The following SLC12A5 variants were observed in gnomAD, a reference collection of about 807,000 sequenced individuals.
SLC12A5 encodes K-Cl cotransporter 2.
SLC12A5 carries 18 observed loss-of-function variants against 124.0 expected under a neutral mutation model. That is an observed-to-expected ratio of 0.15 (90% CI 0.10 to 0.22). The LOEUF is 0.22. SLC12A5 is among the 10% of genes least tolerant of loss of function. The probability of loss-of-function intolerance (pLI) is 1.00; values close to 1 mark genes in which losing one functional copy is unlikely to be tolerated. For missense variants in SLC12A5, 867 were observed against 1,478.7 expected (o/e 0.59, Z 6.78); for synonymous variants, 589 against 568.0 (o/e 1.04, Z -0.53).
At chr20:46,043,611 T>C in intron 9 of SLC12A5, 22 bp from the exon 10 acceptor site, 1 of 1,613,622 alleles carries the variant, frequency 6.2e-7, no homozygotes, top group South Asian at 1.1e-5. Flanking sequence ...GCTTGAGTCC[T>C]AGCTGCACTT....
At chr20:46,042,029 GTA>G (rs1441198863) in intron 8 of SLC12A5, among the ~76,000 whole-genome samples, 1 of 152,226 alleles carries the variant, frequency 6.6e-6, no homozygotes, top group Non-Finnish European at 1.5e-5. Flanking sequence ...TATGAGAGGA[GTA>G]AGGAAATTGC....
At chr20:46,047,130 G>A (rs376084144) in intron 14 of SLC12A5, among the ~76,000 whole-genome samples, 5 of 152,328 alleles carry the variant, frequency 3.3e-5, no homozygotes, top group African/African-American at 7.2e-5. Context: ...GGGAGGACCC[G>A]TTTCCACTCC....
chr20:46,043,245 A>G lies in SLC12A5; in HGVS notation c.1159A>G (p.Met387Val). ...VGLADGTPIDMDHPYVFSDMT... is the reference protein window; with the variant it reads ...VGLADGTPIDVDHPYVFSDMT... ...CCTGGCCGATGGCACTCCTATCGAC[A>G]TGGACCACCCTTATGTCTTCAGTGA... is the stretch of plus-strand genomic sequence containing the variant. Residue 387 changes from methionine to valine, a missense_variant, in exon 9 of 26, where the codon ATG becomes GTG. This residue lies in a region of SLC12A5 where 127 missense variants were observed against 164.1 expected (regional missense o/e 0.77). Transcript: ENST00000243964. 1.9e-6 allele frequency: 3 copies of G among 1,614,010 alleles called. No individual in the cohort carries two copies. The highest frequency in any genetic ancestry group is 1.7e-6 in the Non-Finnish European group (2 of 1,179,984).
chr20:46,040,803 T>C (rs958094744), intron 7 of SLC12A5, 189 bp downstream of exon 7: 10 of 851,926 alleles, frequency 1.2e-5, no homozygotes, highest in Admixed American at 6.1e-5. Context: ...GTAACTTTTC[T>C]GGAGGAGGGA....
rs1197314087 is a variant in SLC12A5, at chr20:46,045,421, G to C, written c.1569+281G>C. Among the ~76,000 whole-genome samples the C allele has an allele frequency of 6.6e-6, 1 of 152,160 alleles. No homozygotes were observed. Among genetic ancestry groups the C allele is most frequent in the Non-Finnish European group, 1.5e-5 (1 of 68,012 alleles). The stretch of plus-strand genomic sequence containing the variant: ...GTGTCTTACTTGGGATTTGGCCCAT[G>C]GTCAGTGCATCCCTTGGAGCACTGT... On this transcript the variant is annotated intron_variant, in intron 12 of 25. Transcript: ENST00000243964. The surrounding 1 kb of genome is among the most constrained non-coding windows in gnomAD (Gnocchi z 4.9).
chr20:46,026,023 G>A (rs2084395369), upstream of SLC12A5, among the ~76,000 whole-genome samples: 1 of 152,188 alleles, frequency 6.6e-6, no homozygotes, highest in Non-Finnish European at 1.5e-5. Flanking sequence ...CTGGTTCAGT[G>A]GATGGAGTCC....
In SLC12A5 at chr20:46,051,832, G is replaced by A. The variant is rs779096129; in HGVS notation, c.2339G>A (p.Arg780His). The change falls in exon 18 of 26, where the codon CGC becomes CAC. Residue 780 changes from arginine (R) to histidine (H), a missense_variant. Coordinates refer to ENST00000243964, the MANE Select transcript of SLC12A5 (RefSeq NM_020708.5). ...TVLVGWPRNW[R>H]QKEDHQTWRN... ...CTTGTTGGCTGGCCCCGCAACTGGC[G>A]CCAGAAGGAAGATCATCAGACGTGG... The A allele has an allele frequency of 6.5e-6, 10 of 1,547,654 alleles. No individual in the cohort carries two copies. Among genetic ancestry groups the A allele is most frequent in the Admixed American group, 3.7e-5 (2 of 54,362 alleles).
chr20:46,037,967 A>G (rs374941108), intron 6 of SLC12A5, among the ~76,000 whole-genome samples: 48 of 152,192 alleles, frequency 3.2e-4, no homozygotes, highest in African/African-American at 1.0e-3. Flanking sequence ...TGACTGATGG[A>G]GAGAAACCAG....
intron 1 of SLC12A5, 105 bp from the exon 2 acceptor site, chr20:46,034,843 G>T (rs2084482839): frequency 9.9e-7 from 1 of 1,005,904 alleles, no homozygotes; most frequent in South Asian, 1.4e-5. Flanking sequence ...TTTTCCCAAT[G>T]CGCGAACTGA....
chr20:46,057,626 G>A lies in SLC12A5; in HGVS notation c.*21G>A, dbSNP rs1198335553. On this transcript the variant is annotated 3_prime_UTR_variant, in exon 26 of 26. Coordinates refer to ENST00000243964, the MANE Select transcript of SLC12A5 (RefSeq NM_020708.5). The surrounding 1 kb of genome is among the most constrained non-coding windows in gnomAD (Gnocchi z 7.1). ...CCTGAGAACCAGGACCTGCCACCCG[G>A]GCCCGAGCGCGCCCGGCCCGCGGCT... 2 of 1,598,352 alleles carry A rather than the reference G, an allele frequency of 1.3e-6. No homozygotes were observed. The highest frequency in any genetic ancestry group is 1.7e-6 in the Non-Finnish European group (2 of 1,171,124).
Position 46,056,444 on chromosome 20 carries a change from G to A in SLC12A5, c.2990G>A (p.Gly997Glu). The change falls in exon 23 of 26, where the codon GGG (glycine) becomes GAG (glutamate). Residue 997 changes from glycine to glutamate, a missense_variant. Coordinates refer to ENST00000243964, the MANE Select transcript of SLC12A5 (RefSeq NM_020708.5). The surrounding 1 kb of genome is among the most constrained non-coding windows in gnomAD (Gnocchi z 4.3). ...PSPGEEPEGE[G>E]ETDPEKVHLT... Reference sequence around the variant, plus strand: ...CCAGGGGAGGAGCCTGAGGGGGAAGGGGAGACAGATCCGGAGAAGGTGCAT... The same window carrying A: ...CCAGGGGAGGAGCCTGAGGGGGAAGAGGAGACAGATCCGGAGAAGGTGCAT... 1 of 1,614,122 alleles carries A rather than the reference G, an allele frequency of 6.2e-7. No homozygotes were observed. The highest frequency in any genetic ancestry group is 1.7e-5 in the Admixed American group (1 of 60,030).
chr20:46,026,048 A>G (rs755382175), upstream of SLC12A5, among the ~76,000 whole-genome samples: 1 of 152,214 alleles, frequency 6.6e-6, no homozygotes, highest in Non-Finnish European at 1.5e-5. Context: ...CAGGAGGTCA[A>G]GGGGCTGGGT....
chr20:46,056,028 T>A lies in SLC12A5; in HGVS notation c.2788-122T>A. The A allele has an allele frequency of 7.2e-7, 1 of 1,380,726 alleles. No individual in the cohort carries two copies. Among genetic ancestry groups the A allele is most frequent in the South Asian group, 1.4e-5 (1 of 69,948 alleles). 85.5% of individuals were successfully genotyped at this position (1,380,726 alleles called of 1,614,324 possible). A position where few individuals can be genotyped will look rare whatever the true frequency, so the allele number is the denominator to read the frequency against. ...TTTGGTCTCAAATCATAGCAATATT[T>A]TAACAACTGGTACAGTTCCAGAAAG... On this transcript the variant is annotated intron_variant, in intron 21 of 25. Transcript: ENST00000243964. This position sits in a 1 kb window ranked among gnomAD's most constrained non-coding sequence, Gnocchi z 4.3.
chr20:46,044,639 A>G (rs2084577561), intron 11 of SLC12A5: 1 of 333,354 alleles, frequency 3.0e-6, no homozygotes, highest in Non-Finnish European at 5.6e-6. Context: ...ATGAGCACAC[A>G]CAACTGGCCG....
intron 8 of SLC12A5, among the ~76,000 whole-genome samples, chr20:46,041,927 G>A (rs1405708001): frequency 7.9e-6 from 1 of 126,096 alleles, no homozygotes. Context: ...GAGAATGCCC[G>A]GGGGGGGAGA....
chr20:46,046,631 C>T (rs2084598185), intron 14 of SLC12A5, among the ~76,000 whole-genome samples, 195 bp downstream of exon 14: 1 of 152,198 alleles, frequency 6.6e-6, no homozygotes. Flanking sequence ...TAAATAATAA[C>T]ATAGCAGCAT....
chr20:46,031,781 A>AGGGGGC (rs1025959276), intron 1 of SLC12A5, among the ~76,000 whole-genome samples: 20 of 152,044 alleles, frequency 1.3e-4, no homozygotes, highest in African/African-American at 4.6e-4. Flanking sequence ...GAGAGCTCCC[A>AGGGGGC]GGGGGCGGGG....
intron 1 of SLC12A5, among the ~76,000 whole-genome samples, chr20:46,029,869 T>TGTGC (rs2084430913): frequency 4.0e-5 from 2 of 50,568 alleles, no homozygotes; most frequent in Non-Finnish European, 1.0e-4. Flanking sequence ...TGTGTGTGTG[T>TGTGC]GTGTGTGTGT....
At chr20:46,027,628 C>CTGTTTGAT (rs1717847052), upstream of SLC12A5, 1 of 151,316 alleles carries the variant, frequency 6.6e-6, no homozygotes, top group Admixed American at 6.6e-5. Context: ...GATGTAGTGC[C>CTGTTTGAT]TGTTTGTTTG....
Sources: gnomAD v4.1 joint callset for allele counts (sites outside exome capture counted in the v4.1 genomes callset) on GRCh38, gnomAD v4.1.1 for gene constraint, gnomAD v4.1.1 regional missense constraint, Gnocchi (gnomAD v3.1) non-coding constraint, MANE v1.5 for transcripts, NCBI Gene and HGNC (gene_info 2026-07-23, HGNC 2026-07-21) for gene names.